Variants in PARD3B observed in about 807,000 individuals in gnomAD.
The protein encoded by PARD3B is partitioning defective 3 homolog B.
PARD3B carries 103 observed loss-of-function variants against 130.2 expected under a neutral mutation model. The observed-to-expected ratio is 0.79, with a 90% CI of 0.67 to 0.93. The LOEUF is 0.93. Ranked by LOEUF, PARD3B falls within the 40% of genes least tolerant of loss-of-function variation. PARD3B has a pLI of 0.00. For synonymous variants in PARD3B, 583 were observed against 553.2 expected (o/e 1.05, Z -0.76); for missense variants, 1,609 against 1,499.2 (o/e 1.07, Z -1.21).
chr2:205,136,945 A>C (rs968849729), intron 10 of PARD3B, among the ~76,000 whole-genome samples: 1 of 152,168 alleles, frequency 6.6e-6, no homozygotes, highest in African/African-American at 2.4e-5. Context: ...ATATTTATTG[A>C]ATGTTTATTT....
intron 22 of PARD3B, among the ~76,000 whole-genome samples, chr2:205,570,544 C>T (rs2053525146): frequency 6.6e-6 from 1 of 152,204 alleles, no homozygotes. Context: ...TTCAGCTCCA[C>T]ACAGCACAGT....
At chr2:205,054,424 ATATATATATATATTTT>A (rs1359544986) in intron 4 of PARD3B, among the ~76,000 whole-genome samples, 493 of 21,442 alleles carry the variant, frequency 0.023, 9 homozygotes, top group African/African-American at 0.073. Context: ...ATATATATAT[ATATATATATATATTTT>A]TTTTTTTTTT....
At chr2:204,949,649 A>G (rs1033136962) in intron 2 of PARD3B, among the ~76,000 whole-genome samples, 3 of 152,122 alleles carry the variant, frequency 2.0e-5, no homozygotes, top group East Asian at 1.9e-4. Flanking sequence ...TTTTCATGTG[A>G]TAGTTATCAT....
intron 2 of PARD3B, among the ~76,000 whole-genome samples, chr2:204,747,374 G>T (rs1177026567): frequency 6.6e-6 from 1 of 152,032 alleles, no homozygotes; most frequent in African/African-American, 2.4e-5. Context: ...CAACTTACAA[G>T]GGATGTGAAG....
At chr2:204,582,804 CTT>C (rs1237070765) in intron 1 of PARD3B, among the ~76,000 whole-genome samples, 1 of 152,182 alleles carries the variant, frequency 6.6e-6, no homozygotes, top group Non-Finnish European at 1.5e-5. Flanking sequence ...AACAGAGTGA[CTT>C]TTTAATGATT....
rs532467998 is a variant in PARD3B, at chr2:204,653,754, C to T, written c.121-32427C>T. Among the ~76,000 whole-genome samples the T allele has an allele frequency of 5.1e-4, 75 of 146,518 alleles. 6 individuals are homozygous for T. The highest frequency in any genetic ancestry group is 1.9e-3 in the African/African-American group (73 of 37,776). ...TGCAGTGAGCCAAGATCATGCCACT[C>T]CAGTCTGGGTGATGGAGCAAGACTC... On this transcript the variant is annotated intron_variant, in intron 1 of 22. Transcript: ENST00000406610.
At chr2:205,089,307 A>G (rs1035947251) in intron 4 of PARD3B, among the ~76,000 whole-genome samples, 5 of 151,660 alleles carry the variant, frequency 3.3e-5, no homozygotes, top group African/African-American at 1.2e-4. Flanking sequence ...AGTAGCTGGG[A>G]TTACAGGCAC....
intron 2 of PARD3B, among the ~76,000 whole-genome samples, chr2:204,862,554 A>AT (rs1382439671): frequency 2.0e-5 from 3 of 152,142 alleles, no homozygotes; most frequent in Non-Finnish European, 4.4e-5. Flanking sequence ...GTGAGGGTTG[A>AT]TTTAGGTAGA....
At chr2:205,126,463 A>G (rs2031408104) in intron 10 of PARD3B, among the ~76,000 whole-genome samples, 2 of 152,126 alleles carry the variant, frequency 1.3e-5, no homozygotes, top group South Asian at 2.1e-4. Context: ...AGTACTTAAA[A>G]TGGTTTCTGT....
chr2:205,470,819 A>G lies in PARD3B; in HGVS notation c.3045-29077A>G, dbSNP rs1452490441. Among the ~76,000 whole-genome samples the G allele has an allele frequency of 6.6e-6, 1 of 152,222 alleles. No homozygotes were observed. Among genetic ancestry groups the G allele is most frequent in the Non-Finnish European group, 1.5e-5 (1 of 68,038 alleles). On this transcript the variant is annotated intron_variant, in intron 20 of 22. Transcript: ENST00000406610. This position sits in a 1 kb window ranked among gnomAD's most constrained non-coding sequence, Gnocchi z 4.8. ...TAGGAAAAATTCTATGGAGTTTACA[A>G]TAGAATCATAGGGAAGCTCTTAAAC...
intron 2 of PARD3B, among the ~76,000 whole-genome samples, chr2:204,746,799 A>G (rs2040249636): frequency 1.3e-5 from 2 of 152,124 alleles, no homozygotes; most frequent in South Asian, 2.1e-4. Flanking sequence ...GTGTCTGTTC[A>G]TATCCTTTGC....
intron 21 of PARD3B, among the ~76,000 whole-genome samples, chr2:205,545,385 G>A (rs1244640149): frequency 6.6e-6 from 1 of 152,176 alleles, no homozygotes; most frequent in African/African-American, 2.4e-5. Flanking sequence ...AAGAGCAATG[G>A]AATTAGAAGA....
intron 1 of PARD3B, among the ~76,000 whole-genome samples, chr2:204,582,061 A>G (rs539650529): frequency 6.6e-6 from 1 of 152,050 alleles, no homozygotes; most frequent in South Asian, 2.1e-4. Context: ...TTGCCCTTTC[A>G]TGTCATGTCC....
chr2:205,329,188 C>T (rs2105764463), intron 18 of PARD3B, among the ~76,000 whole-genome samples: 1 of 152,304 alleles, frequency 6.6e-6, no homozygotes, highest in East Asian at 1.9e-4. Flanking sequence ...AATATAGTAA[C>T]TTGTCACTGA....
At chr2:205,479,479 A>G (rs1044533103) in intron 20 of PARD3B, among the ~76,000 whole-genome samples, 1 of 152,216 alleles carries the variant, frequency 6.6e-6, no homozygotes, top group Non-Finnish European at 1.5e-5. Flanking sequence ...GCAGAAGGTA[A>G]GGGCCATAAT....
chr2:205,126,169 G>C (rs1246769345), intron 10 of PARD3B, among the ~76,000 whole-genome samples: 1 of 152,164 alleles, frequency 6.6e-6, no homozygotes, highest in African/African-American at 2.4e-5. Context: ...AATGCAGAGT[G>C]CCATGATAAC....
chr2:204,986,128 AG>A (rs1693128886), intron 3 of PARD3B, among the ~76,000 whole-genome samples: 1 of 135,942 alleles, frequency 7.4e-6, no homozygotes, highest in Non-Finnish European at 1.6e-5. Flanking sequence ...AAAAAAAAAG[AG>A]CTTATCTGGG....
At chr2:204,899,229 T>C (rs867020112) in intron 2 of PARD3B, among the ~76,000 whole-genome samples, 39 of 82,162 alleles carry the variant, frequency 4.7e-4, no homozygotes, top group African/African-American at 2.2e-3. Context: ...CCTTCCCTCC[T>C]CTCCTTCCCT....
At position 205,024,162 on chromosome 2, in the gene PARD3B, C is replaced by CTTT. The variant is rs1172893472; in HGVS notation, c.395-23399_395-23397dup. On this transcript the variant is annotated intron_variant, in intron 3 of 22. Transcript: ENST00000406610. ...TGCCTCACCATCATTTTCTTTCTTTCTTTTTTTTTTTTTTTTTTTTTTGAG... is the reference window on the plus strand; with the variant it reads ...TGCCTCACCATCATTTTCTTTCTTTCTTTTTTTTTTTTTTTTTTTTTTTTTGAG... Among the ~76,000 whole-genome samples the CTTT allele has an allele frequency of 5.9e-3, 582 of 98,706 alleles. 3 individuals carry two copies. Among genetic ancestry groups the CTTT allele is most frequent in the Middle Eastern group, 9.1e-3 (1 of 110 alleles). 64.8% of individuals were successfully genotyped at this position (98,706 alleles called of 152,430 possible).
Sources: gnomAD v4.1 joint callset for allele counts (sites outside exome capture counted in the v4.1 genomes callset) on GRCh38, gnomAD v4.1.1 for gene constraint, Gnocchi (gnomAD v3.1) non-coding constraint, MANE v1.5 for transcripts, NCBI Gene and HGNC (gene_info 2026-07-23, HGNC 2026-07-21) for gene names.